The following NLK variants were observed in gnomAD, a reference collection of about 807,000 sequenced individuals.
The protein encoded by NLK is serine/threonine-protein kinase NLK.
In NLK, 11 loss-of-function variants were observed where a neutral mutation model predicts 59.0. The ratio of observed to expected loss-of-function variants is 0.19; its 90% CI spans 0.12 to 0.31. NLK has a LOEUF of 0.31. Ranked by LOEUF, NLK falls within the 10% of genes least tolerant of loss-of-function variation. NLK has a pLI of 1.00. For missense variants in NLK, 410 were observed against 661.1 expected (o/e 0.62, Z 4.16); for synonymous variants, 235 against 235.9 (o/e 1.00, Z 0.03).
intron 1 of NLK, among the ~76,000 whole-genome samples, chr17:28,058,423 AC>A (rs1228540764): frequency 8.5e-5 from 13 of 152,194 alleles, no homozygotes; most frequent in African/African-American, 2.9e-4. Flanking sequence ...ATTCTTGAAG[AC>A]AATCTGTTTC....
intron 1 of NLK, chr17:28,048,810 T>C (rs1022672697): frequency 3.9e-5 from 6 of 152,242 alleles, no homozygotes; most frequent in Admixed American, 1.3e-4. Context: ...GTTCATATAC[T>C]GTATGTTTCC....
At chr17:28,105,947 T>TC (rs1905065876) in intron 1 of NLK, among the ~76,000 whole-genome samples, 1 of 152,238 alleles carries the variant, frequency 6.6e-6, no homozygotes, top group South Asian at 2.1e-4. Context: ...TGTTTGATGT[T>TC]CCTATTGTGG....
intron 1 of NLK, among the ~76,000 whole-genome samples, chr17:28,066,345 A>G (rs1024227011): frequency 6.6e-6 from 1 of 152,200 alleles, no homozygotes; most frequent in Non-Finnish European, 1.5e-5. Context: ...TACATATACC[A>G]TATACCATAC....
intron 2 of NLK, among the ~76,000 whole-genome samples, chr17:28,130,258 A>G (rs1032451656): frequency 1.3e-5 from 2 of 152,162 alleles, no homozygotes; most frequent in Admixed American, 6.5e-5. Context: ...TGGAGTTTCG[A>G]ACTCTGCCAC....
rs750122475 is a variant in NLK at position 28,161,218 on chromosome 17, C to A, written c.703C>A (p.Pro235Thr). 5 of 1,612,132 alleles carry A rather than the reference C, an allele frequency of 3.1e-6. No individual in the cohort carries two copies. The South Asian group carries it at 5.5e-5, about 18-fold the overall frequency. The change falls in exon 4 of 11, where the codon CCA becomes ACA. Residue 235 changes from proline (P) to threonine (T), a missense_variant. By Grantham distance (38) the Pro-to-Thr change is conservative. Around this residue, in one of 5 missense-constraint regions of NLK, gnomAD observed 73 missense variants for 197.2 expected, o/e 0.37. Coordinates refer to ENST00000407008, the MANE Select transcript of NLK (RefSeq NM_016231.5). ...DLHKIIVSPQ[P>T]LSSDHVKVFL... ...ACATAAAATTATCGTCTCTCCTCAACCACTCAGCTCAGATCATGTCAAAGT... is the reference window on the plus strand; with the variant it reads ...ACATAAAATTATCGTCTCTCCTCAAACACTCAGCTCAGATCATGTCAAAGT...
At chr17:28,190,890 C>T in intron 8 of NLK, 131 bp from the exon 9 acceptor site, 1 of 604,674 alleles carries the variant, frequency 1.7e-6, no homozygotes, top group South Asian at 2.7e-5. Flanking sequence ...TTCAATTATC[C>T]CTCTTTGGAC....
intron 1 of NLK, among the ~76,000 whole-genome samples, chr17:28,055,378 A>C (rs1909405612): frequency 6.7e-6 from 1 of 150,346 alleles, no homozygotes; most frequent in Admixed American, 6.6e-5. Flanking sequence ...GGCATGAGCC[A>C]CCTTGCCAGG....
At chr17:28,110,889 G>A (rs1334344794) in intron 1 of NLK, among the ~76,000 whole-genome samples, 1 of 151,734 alleles carries the variant, frequency 6.6e-6, no homozygotes, top group Non-Finnish European at 1.5e-5. Flanking sequence ...CTGTCGCCCA[G>A]GCTGGAGTGC....
At chr17:28,150,088 A>T (rs1907419855) in intron 3 of NLK, among the ~76,000 whole-genome samples, 1 of 152,200 alleles carries the variant, frequency 6.6e-6, no homozygotes, top group Non-Finnish European at 1.5e-5. Context: ...ATCTAGATTT[A>T]AATGCAAACT....
At chr17:28,099,613 C>T (rs1904831844) in intron 1 of NLK, among the ~76,000 whole-genome samples, 1 of 144,034 alleles carries the variant, frequency 6.9e-6, no homozygotes, top group African/African-American at 2.7e-5. Context: ...GCTCTGTCGC[C>T]CAGGCCGGAC....
At chr17:28,163,076 G>T (rs989501924) in intron 4 of NLK, among the ~76,000 whole-genome samples, 4 of 152,226 alleles carry the variant, frequency 2.6e-5, no homozygotes. Flanking sequence ...GAGCGGTAAA[G>T]AATACTACTG....
At chr17:28,116,684 CTG>C (rs1328475541) in intron 1 of NLK, among the ~76,000 whole-genome samples, 1 of 152,116 alleles carries the variant, frequency 6.6e-6, no homozygotes, top group African/African-American at 2.4e-5. Context: ...GTGAATAAAA[CTG>C]TCTTTTTCTT....
chr17:28,082,201 C>T (rs543407983), intron 1 of NLK, among the ~76,000 whole-genome samples: 54 of 152,306 alleles, frequency 3.5e-4, no homozygotes, highest in Non-Finnish European at 6.2e-4. Context: ...CTGCGCCCGG[C>T]CTGAAATTCA....
chr17:28,113,783 C>T (rs1279720790), intron 1 of NLK, among the ~76,000 whole-genome samples: 1 of 152,166 alleles, frequency 6.6e-6, no homozygotes, highest in Non-Finnish European at 1.5e-5. Flanking sequence ...TTTTACCCAA[C>T]CCCCATTCAA....
rs77062873 is a variant in NLK, at chr17:28,075,785, C to T, written c.458+32454C>T. On this transcript the variant is annotated intron_variant, in intron 1 of 10. Coordinates refer to ENST00000407008, the MANE Select transcript of NLK (RefSeq NM_016231.5). The stretch of plus-strand genomic sequence containing the variant: ...TCACCCCCACTTCATAAGCTTCCTA[C>T]CCATTTTTTCCCCCTTCCTCAAACC... Among the ~76,000 whole-genome samples the T allele has an allele frequency of 6.5e-3, 995 of 152,260 alleles. 17 individuals carry two copies. The highest frequency in any genetic ancestry group is 0.022 in the African/African-American group (929 of 41,538).
chr17:28,138,872 C>T (rs2142027238), intron 3 of NLK, among the ~76,000 whole-genome samples: 1 of 152,148 alleles, frequency 6.6e-6, no homozygotes, highest in South Asian at 2.1e-4. Flanking sequence ...GTAAATGAAC[C>T]AATAGATGAT....
intron 7 of NLK, among the ~76,000 whole-genome samples, chr17:28,177,505 G>C (rs1435375182): frequency 6.6e-6 from 1 of 152,186 alleles, no homozygotes; most frequent in African/African-American, 2.4e-5. Context: ...GGCCCTGTTG[G>C]AATTCAGGTT....
intron 7 of NLK, among the ~76,000 whole-genome samples, chr17:28,174,857 C>T (rs1203278243): frequency 6.6e-6 from 1 of 152,100 alleles, no homozygotes; most frequent in Non-Finnish European, 1.5e-5. Context: ...CCACATGATG[C>T]ATATCCTGTG....
downstream of NLK, among the ~76,000 whole-genome samples, chr17:28,200,405 T>C (rs1909599239): frequency 6.6e-6 from 1 of 152,244 alleles, no homozygotes; most frequent in Non-Finnish European, 1.5e-5. Context: ...TTGTTGGCTC[T>C]AGGAATCTAT....
Sources: gnomAD v4.1 joint callset for allele counts (sites outside exome capture counted in the v4.1 genomes callset) on GRCh38, gnomAD v4.1.1 for gene constraint, gnomAD v4.1.1 regional missense constraint, MANE v1.5 for transcripts, NCBI Gene and HGNC (gene_info 2026-07-23, HGNC 2026-07-21) for gene names.